INPP5F: variants seen among roughly 807,000 people sequenced by gnomAD.
The protein encoded by INPP5F is inositol polyphosphate-5-phosphatase F, also known as phosphatidylinositide 4-phosphatase SAC2.
A neutral mutation model predicts 137.2 loss-of-function variants in INPP5F; 97 were observed. The ratio of observed to expected loss-of-function variants is 0.71; its 90% CI spans 0.60 to 0.84. The LOEUF (loss-of-function observed/expected upper bound fraction) is 0.84. Among genes scored for constraint, INPP5F ranks in the 40% least tolerant of loss-of-function variants. The pLI is 0.00. For missense variants in INPP5F, 1,271 were observed against 1,371.9 expected, an observed-to-expected ratio of 0.93 and a Z score of 1.16; for synonymous variants, 504 against 476.9, an observed-to-expected ratio of 1.06 and a Z score of -0.74.
chr10:119,732,138 C>T (rs1848090395), intron 1 of INPP5F, among the ~76,000 whole-genome samples: 1 of 149,056 alleles, frequency 6.7e-6, no homozygotes, highest in Admixed American at 6.8e-5. Context: ...AGGGTTCAAG[C>T]GATTCTTGTG....
At chr10:119,775,666 GAA>G (rs34766804) in intron 2 of INPP5F, among the ~76,000 whole-genome samples, 2 of 149,118 alleles carry the variant, frequency 1.3e-5, no homozygotes, top group Non-Finnish European at 1.5e-5. Flanking sequence ...AGAGTCATTG[GAA>G]AAAAAAAAAG....
At chr10:119,771,631 C>G (rs1849339527) in intron 2 of INPP5F, among the ~76,000 whole-genome samples, 1 of 151,348 alleles carries the variant, frequency 6.6e-6, no homozygotes, top group Non-Finnish European at 1.5e-5. Context: ...CCCAGCCTTC[C>G]CAAGTGTATA....
chr10:119,750,468 A>T (rs1848660544), intron 1 of INPP5F, among the ~76,000 whole-genome samples: 1 of 152,126 alleles, frequency 6.6e-6, no homozygotes, highest in Non-Finnish European at 1.5e-5. Context: ...CTAATTTCTC[A>T]TATGGAAGAA....
intron 1 of INPP5F, among the ~76,000 whole-genome samples, chr10:119,744,554 GT>G (rs1418843595): frequency 6.6e-6 from 1 of 151,256 alleles, no homozygotes; most frequent in Non-Finnish European, 1.5e-5. Context: ...TCTCTTTCTT[GT>G]TTTTGTTTTA....
intron 1 of INPP5F, among the ~76,000 whole-genome samples, 176 bp from the exon 2 acceptor site, chr10:119,750,900 A>C (rs916214944): frequency 2.6e-5 from 4 of 152,162 alleles, no homozygotes; most frequent in Non-Finnish European, 5.9e-5. Context: ...CCCAAGCCTT[A>C]TTCAGGCCTC....
At position 119,804,317 on chromosome 10, in the gene INPP5F, A is replaced by G; in HGVS notation, c.1241+20A>G. On this transcript the variant is annotated intron_variant, in intron 10 of 19. Coordinates refer to ENST00000650623, the MANE Select transcript of INPP5F (RefSeq NM_014937.4). ...GCACTGGTAAGATGGCTTTCGGAGAATAGTGTTGATCAATTGCAGTGTTTT... is the reference window on the plus strand; with the variant it reads ...GCACTGGTAAGATGGCTTTCGGAGAGTAGTGTTGATCAATTGCAGTGTTTT... 1 of 1,594,592 alleles carries G rather than the reference A, an allele frequency of 6.3e-7. No homozygotes were observed. Among genetic ancestry groups the G allele is most frequent in the East Asian group, 2.3e-5 (1 of 44,138 alleles).
In INPP5F at chr10:119,820,786, C is replaced by T. The variant is rs1040614178; in HGVS notation, c.1887-60C>T. On this transcript the variant is annotated intron_variant, in intron 15 of 19. Transcript: ENST00000650623. ...TAAGTAGCTCTGCTGTAGAAATATG[C>T]TTGGCAAAAAATGCAGATGGAAATG... 2.2e-6 allele frequency: 3 copies of T among 1,387,710 alleles called. No homozygotes were observed. The African/African-American group carries it at 4.3e-5, about 20-fold the overall frequency. The allele number at this position is 1,387,710 out of a possible 1,614,324, so 86.0% of individuals were successfully genotyped here.
At position 119,754,916 on chromosome 10, in the gene INPP5F, C is replaced by T. The variant is rs191327560; in HGVS notation, c.178+3760C>T. ...GAAAATTACTTCAGGGGCATTTTCC[C>T]CAGGAACATCTTATCTTTGGAGGAT... On this transcript the variant is annotated intron_variant, in intron 2 of 19. Transcript: ENST00000650623. Among the ~76,000 whole-genome samples, 131 of 152,284 alleles carry T rather than the reference C, an allele frequency of 8.6e-4. 1 individual carries two copies. The highest frequency in any genetic ancestry group is 7.7e-4 in the East Asian group (4 of 5,192).
intron 2 of INPP5F, among the ~76,000 whole-genome samples, chr10:119,755,082 A>T (rs995804417): frequency 1.1e-4 from 16 of 152,236 alleles, no homozygotes; most frequent in Admixed American, 1.3e-4. Context: ...TGTCATTGAC[A>T]GTCTTAAAGT....
intron 1 of INPP5F, among the ~76,000 whole-genome samples, chr10:119,744,619 A>C (rs535819372): frequency 6.6e-6 from 1 of 152,156 alleles, no homozygotes; most frequent in South Asian, 2.1e-4. Context: ...TGGCACCATC[A>C]GAGCTCACTG....
chr10:119,783,745 T>A (rs1053145307), intron 3 of INPP5F, among the ~76,000 whole-genome samples: 1 of 152,198 alleles, frequency 6.6e-6, no homozygotes, highest in Non-Finnish European at 1.5e-5. Flanking sequence ...GGGAAAGAGA[T>A]TATATTCAAA....
rs985223161 is a variant in INPP5F at position 119,827,892 on chromosome 10, T to C, written c.*112T>C. The C allele has an allele frequency of 2.3e-6, 2 of 858,924 alleles. No homozygotes were observed. The highest frequency in any genetic ancestry group is 3.4e-5 in the African/African-American group (2 of 58,350). 53.2% of individuals were successfully genotyped at this position (858,924 alleles called of 1,614,324 possible). On this transcript the variant is annotated 3_prime_UTR_variant, in exon 20 of 20. Transcript: ENST00000650623. ...CCCAGGGATCACAAATTCTGTTCAT[T>C]GGAAAGGGTTTTAAACGGAGTCGGA... is the stretch of plus-strand genomic sequence containing the variant.
intron 1 of INPP5F, among the ~76,000 whole-genome samples, chr10:119,747,079 A>G (rs1279544926): frequency 6.6e-6 from 1 of 152,072 alleles, no homozygotes; most frequent in East Asian, 1.9e-4. Flanking sequence ...ATGAGCCACC[A>G]TGCCCGGCCA....
At chr10:119,765,809 ATATACAC>A (rs1372900530) in intron 2 of INPP5F, among the ~76,000 whole-genome samples, 1 of 148,352 alleles carries the variant, frequency 6.7e-6, no homozygotes, top group East Asian at 1.9e-4. Context: ...TACTATATAG[ATATACAC>A]TATATACTAT....
At position 119,823,885 on chromosome 10, in the gene INPP5F, T is replaced by G. The variant is rs752064906; in HGVS notation, c.2232T>G (p.Ile744Met). 2 of 1,613,516 alleles carry G rather than the reference T, an allele frequency of 1.2e-6. No individual in the cohort carries two copies. Among genetic ancestry groups the G allele is most frequent in the East Asian group, 2.2e-5 (1 of 44,866 alleles). ...KQAMGSDLPI[I>M]EKKLERKSSK... ...CCATGGGATCGGATTTACCCATAAT[T>G]GAGAAGAAACTTGAGAGGTGAGTAT... The change falls in exon 19 of 20, where the codon ATT becomes ATG. Residue 744 changes from isoleucine (I) to methionine (M), a missense_variant. Around this residue, in one of 6 missense-constraint regions of INPP5F, gnomAD observed 593 missense variants for 712.4 expected, o/e 0.83. Coordinates refer to ENST00000650623, the MANE Select transcript of INPP5F (RefSeq NM_014937.4).
intron 2 of INPP5F, among the ~76,000 whole-genome samples, chr10:119,751,828 GC>G (rs1848699149): frequency 6.6e-6 from 1 of 152,174 alleles, no homozygotes; most frequent in African/African-American, 2.4e-5. Context: ...ATGGGTTCTT[GC>G]TACGTTGCCC....
intron 1 of INPP5F, among the ~76,000 whole-genome samples, chr10:119,741,096 A>G (rs975506656): frequency 6.6e-6 from 1 of 152,204 alleles, no homozygotes; most frequent in African/African-American, 2.4e-5. Context: ...CAGAGACTGT[A>G]GTAGAGCTAG....
At chr10:119,735,621 C>T (rs1229135107) in intron 1 of INPP5F, among the ~76,000 whole-genome samples, 1 of 152,230 alleles carries the variant, frequency 6.6e-6, no homozygotes, top group Non-Finnish European at 1.5e-5. Context: ...AAGAATGTCC[C>T]TTCCCCCAGG....
Position 119,796,796 on chromosome 10 carries a change from T to C in INPP5F, c.751T>C (p.Ser251Pro), listed in dbSNP as rs199989664. The C allele has an allele frequency of 6.2e-7, 1 of 1,613,398 alleles. No homozygotes were observed. ...AGAACTTGTGGTTAATTATACCGAA[T>C]CATCTGATGATGAGAAAAGCAGCCC... is the stretch of plus-strand genomic sequence containing the variant. ...IEELVVNYTE[S>P]SDDEKSSPET... The change falls in exon 7 of 20, where the codon TCA (serine) becomes CCA (proline). Residue 251 changes from serine to proline, a missense_variant. By Grantham distance (74) the Ser-to-Pro change is moderately conservative (BLOSUM62 -1). Around this residue, in one of 6 missense-constraint regions of INPP5F, gnomAD observed 593 missense variants for 712.4 expected, o/e 0.83. Coordinates refer to ENST00000650623, the MANE Select transcript of INPP5F (RefSeq NM_014937.4).
Sources: gnomAD v4.1 joint callset for allele counts (sites outside exome capture counted in the v4.1 genomes callset) on GRCh38, gnomAD v4.1.1 for gene constraint, gnomAD v4.1.1 regional missense constraint, MANE v1.5 for transcripts, NCBI Gene and HGNC (gene_info 2026-07-23, HGNC 2026-07-21) for gene names.